Variants in IL1RAPL1 observed in about 807,000 individuals in gnomAD.
IL1RAPL1 encodes interleukin 1 receptor accessory protein like 1.
A neutral mutation model predicts 48.4 loss-of-function variants in IL1RAPL1; 3 were observed. The observed-to-expected ratio is 0.06, with a 90% CI of 0.03 to 0.16. The LOEUF (loss-of-function observed/expected upper bound fraction) is 0.16. Ranked by LOEUF, IL1RAPL1 falls within the 10% of genes least tolerant of loss-of-function variation. The pLI is 1.00. For synonymous variants in IL1RAPL1, 185 were observed against 187.7 expected (o/e 0.99, Z 0.12); for missense variants, 349 against 530.6 (o/e 0.66, Z 3.36).
At chrX:29,843,165 A>G (rs1931170730) in intron 6 of IL1RAPL1, among the ~76,000 whole-genome samples, 2 of 111,986 alleles carry the variant, frequency 1.8e-5, no homozygotes, top group African/African-American at 6.5e-5. Flanking sequence ...AGTTCCGTAC[A>G]TTCACTGATA....
intron 6 of IL1RAPL1, among the ~76,000 whole-genome samples, chrX:29,788,810 A>C (rs1327652433): frequency 8.9e-6 from 1 of 111,950 alleles, no homozygotes; most frequent in Non-Finnish European, 1.9e-5. Context: ...GTCAATACTT[A>C]AATGGTCAAA....
At chrX:29,550,227 T>A (rs907332805) in intron 5 of IL1RAPL1, among the ~76,000 whole-genome samples, 6 of 111,618 alleles carry the variant, frequency 5.4e-5, no homozygotes, top group African/African-American at 9.8e-5. Context: ...ATTCTCACTC[T>A]GTCGCCCAGG....
intron 3 of IL1RAPL1, among the ~76,000 whole-genome samples, chrX:29,374,373 C>T (rs1425963806): frequency 1.1e-5 from 1 of 94,390 alleles, no homozygotes; most frequent in African/African-American, 4.0e-5. Context: ...CTCTCTGCTG[C>T]TCAGGCTGGA....
intron 3 of IL1RAPL1, among the ~76,000 whole-genome samples, chrX:29,310,849 T>C (rs779596973): frequency 1.8e-5 from 2 of 112,467 alleles, no homozygotes; most frequent in East Asian, 5.6e-4. Context: ...CCTTGATTTA[T>C]TTAAATTCTT....
chrX:28,734,444 T>C (rs184044296), intron 1 of IL1RAPL1, among the ~76,000 whole-genome samples: 1 of 111,477 alleles, frequency 9.0e-6, no homozygotes, highest in Non-Finnish European at 1.9e-5. Flanking sequence ...GCTAGACATG[T>C]GCCTACCTTA....
chrX:28,853,226 A>G lies in IL1RAPL1; in HGVS notation c.82+63801A>G, dbSNP rs5943564. The stretch of plus-strand genomic sequence containing the variant: ...AATGCAATTGCATAAAATAAATTAT[A>G]AATATAAATGCCTGCAGTTTCCACG... On this transcript the variant is annotated intron_variant, in intron 2 of 10. Transcript: ENST00000378993. 0.4 allele frequency among the ~76,000 whole-genome samples: 43,663 copies of G among 110,392 alleles called. 6,337 individuals carry two copies. The highest frequency in any genetic ancestry group is 0.55 in the East Asian group (1,887 of 3,442).
At chrX:28,898,800 CT>C (rs777082261) in intron 2 of IL1RAPL1, among the ~76,000 whole-genome samples, 2 of 108,512 alleles carry the variant, frequency 1.8e-5, no homozygotes, top group African/African-American at 6.7e-5. Flanking sequence ...GGTACTGGGA[CT>C]TTTTTTTTGT....
chrX:28,864,622 G>GT (rs941849447), intron 2 of IL1RAPL1, among the ~76,000 whole-genome samples: 3 of 111,514 alleles, frequency 2.7e-5, no homozygotes, highest in Non-Finnish European at 5.6e-5. Context: ...TGAAGATCTA[G>GT]TAGTAGAGTG....
At chrX:29,719,015 A>G (rs1176304938) in intron 6 of IL1RAPL1, among the ~76,000 whole-genome samples, 5 of 112,450 alleles carry the variant, frequency 4.4e-5, no homozygotes, top group African/African-American at 1.3e-4. Flanking sequence ...TATATTTGCT[A>G]GAACTGATAC....
At chrX:29,060,133 G>T (rs1450323132) in intron 2 of IL1RAPL1, among the ~76,000 whole-genome samples, 1 of 111,909 alleles carries the variant, frequency 8.9e-6, no homozygotes, top group Non-Finnish European at 1.9e-5. Flanking sequence ...ACTTGGTAGG[G>T]TGTTGCAAAT....
At chrX:29,297,000 T>C (rs1322492067) in intron 3 of IL1RAPL1, among the ~76,000 whole-genome samples, 1 of 111,582 alleles carries the variant, frequency 9.0e-6, no homozygotes, top group Admixed American at 9.6e-5. Flanking sequence ...AATAAAGACT[T>C]AAATGAGCAT....
intron 5 of IL1RAPL1, among the ~76,000 whole-genome samples, chrX:29,564,556 G>A (rs1445606957): frequency 3.6e-5 from 4 of 112,649 alleles, no homozygotes; most frequent in Admixed American, 9.3e-5. Flanking sequence ...GAGAGTTAAC[G>A]TTACCATTTT....
intron 6 of IL1RAPL1, among the ~76,000 whole-genome samples, chrX:29,695,812 C>T (rs2147113159): frequency 9.0e-6 from 1 of 110,956 alleles, no homozygotes; most frequent in East Asian, 2.8e-4. Flanking sequence ...CAATGGGGTA[C>T]CGAGAGCAGC....
At chrX:29,640,954 C>T (rs1282187640) in intron 5 of IL1RAPL1, among the ~76,000 whole-genome samples, 1 of 110,737 alleles carries the variant, frequency 9.0e-6, no homozygotes, top group Non-Finnish European at 1.9e-5. Flanking sequence ...TGCTTGAGCA[C>T]AGGATTTTGA....
chrX:28,970,167 A>G (rs1422681025), intron 2 of IL1RAPL1, among the ~76,000 whole-genome samples: 1 of 111,397 alleles, frequency 9.0e-6, no homozygotes, highest in Non-Finnish European at 1.9e-5. Context: ...CACCCAGCTA[A>G]TTTTTTGTAT....
intron 2 of IL1RAPL1, among the ~76,000 whole-genome samples, chrX:29,040,568 A>C (rs1439734944): frequency 8.9e-6 from 1 of 112,313 alleles, no homozygotes; most frequent in African/African-American, 3.2e-5. Flanking sequence ...GAGTGTCAAA[A>C]TTTAGGTCTA....
At chrX:28,927,310 T>C (rs1923770778) in intron 2 of IL1RAPL1, among the ~76,000 whole-genome samples, 1 of 112,026 alleles carries the variant, frequency 8.9e-6, no homozygotes. Flanking sequence ...TTTTAACTTA[T>C]TCATGCATGT....
chrX:29,323,747 A>G (rs1417282732), intron 3 of IL1RAPL1, among the ~76,000 whole-genome samples: 1 of 31,704 alleles, frequency 3.2e-5, no homozygotes, highest in African/African-American at 1.7e-4. Flanking sequence ...ATATATATAT[A>G]TATATATATA....
intron 5 of IL1RAPL1, among the ~76,000 whole-genome samples, chrX:29,524,840 C>T (rs925595759): frequency 8.9e-6 from 1 of 112,147 alleles, no homozygotes; most frequent in African/African-American, 3.2e-5. Context: ...AAAGACAGAT[C>T]TCTGCTTTTC....
Sources: allele counts gnomAD v4.1 joint callset (sites outside exome capture counted in the v4.1 genomes callset), GRCh38; gene constraint gnomAD v4.1.1; transcripts MANE v1.5; gene names NCBI Gene and HGNC (gene_info 2026-07-23, HGNC 2026-07-21).